Variants in TJAP1 observed in about 807,000 individuals in gnomAD.
TJAP1 encodes the protein tight junction associated protein 1, also known as tight junction-associated protein 1.
A neutral mutation model predicts 42.0 loss-of-function variants in TJAP1; 27 were observed. That is an observed-to-expected ratio of 0.64 (90% CI 0.47 to 0.89). The LOEUF (loss-of-function observed/expected upper bound fraction) is 0.89, where lower values mean the gene tolerates loss of function less well. TJAP1 is among the 40% of genes least tolerant of loss of function. TJAP1 has a pLI of 0.00. For missense variants in TJAP1, 712 were observed against 726.9 expected, an observed-to-expected ratio of 0.98 and a Z score of 0.24; for synonymous variants, 257 against 288.4, an observed-to-expected ratio of 0.89 and a Z score of 1.10.
intron 4 of TJAP1, 127 bp from the exon 5 acceptor site, chr6:43,500,617 G>A (rs2277123): frequency 0.08 from 80,087 of 997,672 alleles, 6,789 homozygotes; most frequent in African/African-American, 0.39. Context: ...AGAGAGCCCT[G>A]CAGCCCTCTT....
chr6:43,489,724 C>T (rs1474714226), intron 2 of TJAP1: 3 of 152,230 alleles, frequency 2.0e-5, no homozygotes, highest in Non-Finnish European at 4.4e-5. Flanking sequence ...AGCAAGCTGG[C>T]CTCCCTGGTT....
intron 6 of TJAP1, among the ~76,000 whole-genome samples, chr6:43,501,907 ACACACACACACACACACACACTCT>A (rs1490326049): frequency 1.6e-5 from 2 of 125,716 alleles, no homozygotes; most frequent in African/African-American, 3.1e-5. Flanking sequence ...ACACACACAC[ACACACACACACACACACACACTCT>A]CTCTCTCTCT....
chr6:43,505,130 C>A lies in TJAP1; in HGVS notation c.949C>A (p.Pro317Thr). 1 of 1,614,192 alleles carries A rather than the reference C, an allele frequency of 6.2e-7. No homozygotes were observed. Among genetic ancestry groups the A allele is most frequent in the South Asian group, 1.1e-5 (1 of 91,082 alleles). Residue 317 changes from proline (P) to threonine (T), a missense_variant, in exon 11 of 11, where the codon CCA (proline) becomes ACA (threonine). By Grantham distance (38) the Pro-to-Thr change is conservative. Transcript: ENST00000372449. This position sits in a 1 kb window ranked among gnomAD's most constrained non-coding sequence, Gnocchi z 5.5. ...AGCCTTTGAGAAGCTGAACCCCTAC[C>A]CAACCCCGTCTCCACCACACCCACT...
At chr6:43,481,492 C>T (rs61018535) in intron 2 of TJAP1, among the ~76,000 whole-genome samples, 1 of 136,756 alleles carries the variant, frequency 7.3e-6, no homozygotes, top group African/African-American at 2.6e-5. Context: ...ACCCCCCCCC[C>T]AAAAAAAAAC....
rs767773559 is a variant in TJAP1, at chr6:43,503,386, A to G, written c.388-15A>G. ...CTAGAGTGTGGGCTGGGTTAACCTC[A>G]AGTCTGTGCTTCAGATCAAGAAGGC... On this transcript the variant is annotated splice_polypyrimidine_tract_variant and intron_variant, in intron 8 of 10. Transcript: ENST00000372449. The G allele has an allele frequency of 1.6e-5, 25 of 1,607,384 alleles. No individual in the cohort carries two copies. The highest frequency in any genetic ancestry group is 2.1e-5 in the Non-Finnish European group (25 of 1,174,998).
chr6:43,500,256 C>T (rs1790223659), intron 4 of TJAP1, among the ~76,000 whole-genome samples: 1 of 152,222 alleles, frequency 6.6e-6, no homozygotes, highest in Admixed American at 6.5e-5. Flanking sequence ...TAGTCCTCTT[C>T]TCCCATGCAC....
chr6:43,502,471 G>C (rs1791153324), intron 7 of TJAP1, 117 bp from the exon 8 acceptor site: 20 of 1,484,486 alleles, frequency 1.3e-5, no homozygotes, highest in Non-Finnish European at 1.8e-5. Flanking sequence ...ATGGGGCAGT[G>C]GTGGGGGTAC....
rs867245000 is a variant in TJAP1, at chr6:43,501,756, A to T, written c.290+69A>T. The T allele has an allele frequency of 6.4e-3, 3,363 of 521,838 alleles. 75 individuals carry two copies. The African/African-American group carries it at 0.073, about 11-fold the overall frequency. 32.3% of individuals were successfully genotyped at this position (521,838 alleles called of 1,614,324 possible). ...CACACACACACACACACACACACAC[A>T]CACTCTCTCTGTCTCTCTCTCTCTC... On this transcript the variant is annotated intron_variant, in intron 6 of 10. Coordinates refer to ENST00000372449, the Ensembl canonical transcript of TJAP1.
Position 43,492,590 on chromosome 6 carries a change from G to A in TJAP1, c.-121-5291G>A, listed in dbSNP as rs966667424. On this transcript the variant is annotated intron_variant, in intron 2 of 10. Coordinates refer to ENST00000372449, the Ensembl canonical transcript of TJAP1. The surrounding 1 kb of genome is among the most constrained non-coding windows in gnomAD (Gnocchi z 4.2). Reference sequence around the variant, plus strand: ...CAAGCAGGAGGGGTACCCCGGAGACGATGTGGGCGAGGCCGAACCCAGTTT... The same window carrying A: ...CAAGCAGGAGGGGTACCCCGGAGACAATGTGGGCGAGGCCGAACCCAGTTT... 6.6e-6 allele frequency among the ~76,000 whole-genome samples: 1 copy of A among 152,196 alleles called. No individual in the cohort carries two copies. The highest frequency in any genetic ancestry group is 2.4e-5 in the African/African-American group (1 of 41,448).
chr6:43,486,463 C>T lies in TJAP1; in HGVS notation c.-122+8231C>T, dbSNP rs189474158. ...CTCTGCCTCCTGGGTTTAAGCAATT[C>T]TCCTGTCCCAGCCTCCCGAGTAGCT... On this transcript the variant is annotated intron_variant, in intron 2 of 10. Coordinates refer to ENST00000372449, the Ensembl canonical transcript of TJAP1. Among the ~76,000 whole-genome samples the T allele has an allele frequency of 8.7e-3, 1,289 of 147,400 alleles. 3 individuals are homozygous for T. Among genetic ancestry groups the T allele is most frequent in the Middle Eastern group, 0.015 (4 of 274 alleles).
chr6:43,494,475 C>T (rs189072796), intron 2 of TJAP1, among the ~76,000 whole-genome samples: 39 of 152,066 alleles, frequency 2.6e-4, no homozygotes, highest in Middle Eastern at 3.4e-3. Context: ...GCTAGGTCAG[C>T]GAGAGGTTTT....
rs1442924909 is a variant in TJAP1 at position 43,505,458 on chromosome 6, C to T, written c.1277C>T (p.Ala426Val). 1.2e-6 allele frequency: 2 copies of T among 1,613,374 alleles called. No homozygotes were observed. Among genetic ancestry groups the T allele is most frequent in the African/African-American group, 2.7e-5 (2 of 74,932 alleles). Reference sequence around the variant, plus strand: ...TTTGTGGACCGTACTCCACCACCTGCTGCTGTGGCCCAGCGCACAGCCTTT... The same window carrying T: ...TTTGTGGACCGTACTCCACCACCTGTTGCTGTGGCCCAGCGCACAGCCTTT... Residue 426 changes from alanine to valine, a missense_variant, in exon 11 of 11, where the codon GCT (alanine) becomes GTT (valine). Transcript: ENST00000372449. The surrounding 1 kb of genome is among the most constrained non-coding windows in gnomAD (Gnocchi z 5.5).
intron 10 of TJAP1, 122 bp downstream of exon 10, chr6:43,503,828 C>G (rs1375572810): frequency 3.6e-6 from 3 of 844,540 alleles, no homozygotes; most frequent in Admixed American, 2.0e-5. Context: ...CCTCTTGCCT[C>G]CATGTCACCT....
chr6:43,496,212 C>T (rs1245255038), intron 2 of TJAP1, among the ~76,000 whole-genome samples: 1 of 152,156 alleles, frequency 6.6e-6, no homozygotes, highest in Non-Finnish European at 1.5e-5. Context: ...TCTTCCATCT[C>T]TGGCCATACC....
chr6:43,494,184 C>T (rs969774139), intron 2 of TJAP1, among the ~76,000 whole-genome samples: 9 of 152,184 alleles, frequency 5.9e-5, no homozygotes, highest in African/African-American at 9.7e-5. Flanking sequence ...TGGCAAATTG[C>T]AACATGGCAA....
At chr6:43,503,401 A>C (rs780172641) in exon 9 of TJAP1, 1 of 1,613,044 alleles carries the variant, frequency 6.2e-7, no homozygotes, top group Non-Finnish European at 8.5e-7. Flanking sequence ...TGTGCTTCAG[A>C]TCAAGAAGGC....
chr6:43,496,669 T>C (rs1455922486), intron 2 of TJAP1, among the ~76,000 whole-genome samples: 2 of 146,962 alleles, frequency 1.4e-5, no homozygotes, highest in African/African-American at 2.5e-5. Flanking sequence ...CCTGTTGGAA[T>C]GTGACAGGAG....
chr6:43,487,411 G>T (rs1308282909), intron 2 of TJAP1, among the ~76,000 whole-genome samples: 1 of 152,174 alleles, frequency 6.6e-6, no homozygotes, highest in South Asian at 2.1e-4. Flanking sequence ...GTCTTTGAGG[G>T]TCTTGATATT....
chr6:43,484,712 T>A (rs891306651), intron 2 of TJAP1, among the ~76,000 whole-genome samples: 1 of 148,528 alleles, frequency 6.7e-6, no homozygotes, highest in Non-Finnish European at 1.5e-5. Context: ...ATTGTTGGTG[T>A]TTCTCCCCAT....
Sources: allele counts gnomAD v4.1 joint callset (sites outside exome capture counted in the v4.1 genomes callset), GRCh38; gene constraint gnomAD v4.1.1; non-coding constraint Gnocchi (gnomAD v3.1); transcripts MANE v1.5; gene names NCBI Gene and HGNC (gene_info 2026-07-23, HGNC 2026-07-21).